The following COL19A1 variants were observed in gnomAD, a reference collection of about 807,000 sequenced individuals.
COL19A1 encodes the protein collagen type XIX alpha 1 chain.
Under a neutral mutation model 190.2 loss-of-function variants are expected in COL19A1, and 159 were observed. The observed-to-expected ratio is 0.84, with a 90% CI of 0.73 to 0.95. COL19A1 has a LOEUF of 0.95. Ranked by LOEUF, COL19A1 falls within the 40% of genes least tolerant of loss-of-function variation. COL19A1 has a pLI of 0.00. For synonymous variants in COL19A1, 509 were observed against 458.9 expected (o/e 1.11, Z -1.39); for missense variants, 1,418 against 1,431.9 (o/e 0.99, Z 0.16).
intron 42 of COL19A1, among the ~76,000 whole-genome samples, chr6:70,179,880 T>G (rs1215672535): frequency 6.6e-6 from 1 of 151,904 alleles, no homozygotes; most frequent in Admixed American, 6.6e-5. Flanking sequence ...GCCACTTTAT[T>G]TATTTATTTA....
chr6:69,979,058 T>A (rs1029841827), intron 11 of COL19A1, among the ~76,000 whole-genome samples: 1 of 151,884 alleles, frequency 6.6e-6, no homozygotes, highest in South Asian at 2.1e-4. Context: ...CACTAATTAC[T>A]GTGGAAGAAA....
chr6:69,868,147 C>T (rs1301855375), intron 1 of COL19A1, among the ~76,000 whole-genome samples: 1 of 151,462 alleles, frequency 6.6e-6, no homozygotes, highest in Non-Finnish European at 1.5e-5. Flanking sequence ...AACACCAATG[C>T]CTCCCCCTCT....
At chr6:69,904,912 C>T (rs1249866501) in intron 4 of COL19A1, among the ~76,000 whole-genome samples, 2 of 152,108 alleles carry the variant, frequency 1.3e-5, no homozygotes, top group African/African-American at 2.4e-5. Context: ...TCACACAGTG[C>T]AGTCAGAAAT....
At chr6:70,111,539 A>G (rs1055661998) in intron 16 of COL19A1, among the ~76,000 whole-genome samples, 5 of 152,196 alleles carry the variant, frequency 3.3e-5, no homozygotes, top group African/African-American at 1.2e-4. Context: ...CATGCTTAGA[A>G]TAGTTCAAAT....
chr6:70,191,205 A>G (rs1176960787), intron 48 of COL19A1, among the ~76,000 whole-genome samples: 1 of 152,158 alleles, frequency 6.6e-6, no homozygotes, highest in Non-Finnish European at 1.5e-5. Flanking sequence ...AAGCATCCAT[A>G]TTATTCTGTT....
intron 1 of COL19A1, among the ~76,000 whole-genome samples, chr6:69,871,585 C>T (rs1767825306): frequency 6.6e-6 from 1 of 152,128 alleles, no homozygotes; most frequent in Admixed American, 6.5e-5. Flanking sequence ...CCTCCTCTTT[C>T]TCTCTTTTTT....
At chr6:70,156,006 G>T in intron 31 of COL19A1, 121 bp from the exon 32 acceptor site, 1 of 713,974 alleles carries the variant, frequency 1.4e-6, no homozygotes, top group South Asian at 2.1e-5. Flanking sequence ...TCTGAAAGCA[G>T]AATGACCTAT....
At chr6:69,976,535 G>C (rs1775722936) in intron 11 of COL19A1, among the ~76,000 whole-genome samples, 1 of 152,170 alleles carries the variant, frequency 6.6e-6, no homozygotes, top group Admixed American at 6.5e-5. Flanking sequence ...GGACCTGTGG[G>C]AAGGAAGAGG....
intron 17 of COL19A1, among the ~76,000 whole-genome samples, chr6:70,123,290 T>C (rs1784992492): frequency 6.6e-6 from 1 of 151,976 alleles, no homozygotes; most frequent in African/African-American, 2.4e-5. Flanking sequence ...ATGGCAATCA[T>C]TAAAAAGTCA....
Position 70,188,235 on chromosome 6 carries a change from C to A in COL19A1, c.3017C>A (p.Pro1006His), listed in dbSNP as rs1420356416. Reference sequence around the variant, plus strand: ...GGCCCTCCAGGCTCTCCAGGCATCCCTGGCATTCCGGTAAGTAGTGCTAAG... The same window carrying A: ...GGCCCTCCAGGCTCTCCAGGCATCCATGGCATTCCGGTAAGTAGTGCTAAG... The part of the protein sequence containing the change: ...HQGPPGSPGI[P>H]GIPADAVSFE... The change falls in exon 47 of 51, where the codon CCT becomes CAT. Residue 1006 changes from proline to histidine, a missense_variant. Pro to His is a moderately conservative substitution (Grantham distance 77, BLOSUM62 -2). Coordinates refer to ENST00000620364, the MANE Select transcript of COL19A1 (RefSeq NM_001858.6). 3 of 1,608,762 alleles carry A rather than the reference C, an allele frequency of 1.9e-6. No homozygotes were observed. The highest frequency in any genetic ancestry group is 2.5e-6 in the Non-Finnish European group (3 of 1,178,374).
At chr6:70,185,380 A>G (rs1384201785) in intron 46 of COL19A1, among the ~76,000 whole-genome samples, 1 of 152,152 alleles carries the variant, frequency 6.6e-6, no homozygotes, top group Non-Finnish European at 1.5e-5. Context: ...GTGACAACCA[A>G]AAGTGTCTCC....
Position 69,938,072 on chromosome 6 carries a change from C to G in COL19A1, c.908C>G (p.Pro303Arg), listed in dbSNP as rs751686094. 3.1e-6 allele frequency: 5 copies of G among 1,612,490 alleles called. No individual in the cohort carries two copies. Residue 303 changes from proline (P) to arginine (R), a missense_variant, in exon 9 of 51, where the codon CCT becomes CGT. Coordinates refer to ENST00000620364, the MANE Select transcript of COL19A1 (RefSeq NM_001858.6). ...EAGLPGAPGS[P>R]GQKGHKGEPG... ...GGATTACCAGGAGCTCCGGGTTCAC[C>G]TGGGCAGAAAGGGCATAAAGGAGAG...
At chr6:69,986,221 T>TTATATATATATATATA (rs57648174) in intron 11 of COL19A1, among the ~76,000 whole-genome samples, 2 of 138,282 alleles carry the variant, frequency 1.4e-5, no homozygotes, top group South Asian at 2.3e-4. Flanking sequence ...CTTACACGTT[T>TTATATATATATATATA]TATATATATA....
At chr6:69,973,762 G>A (rs1202430454) in intron 11 of COL19A1, 1 of 152,114 alleles carries the variant, frequency 6.6e-6, no homozygotes, top group Non-Finnish European at 1.5e-5. Flanking sequence ...TTTTTTGGAA[G>A]TACATTCCAG....
intron 40 of COL19A1, among the ~76,000 whole-genome samples, chr6:70,170,820 A>G (rs1047616501): frequency 6.6e-6 from 1 of 152,188 alleles, no homozygotes; most frequent in Non-Finnish European, 1.5e-5. Context: ...GGGCAATGTT[A>G]TAAATAATAA....
At chr6:70,129,544 A>G (rs2181011) in intron 17 of COL19A1, among the ~76,000 whole-genome samples, 70,910 of 152,040 alleles carry the variant, frequency 0.47, 17,012 homozygotes, top group African/African-American at 0.56. Context: ...TACATTCATT[A>G]GCAGGAATTA....
chr6:70,186,821 CTAATA>C (rs1354539887), intron 46 of COL19A1, among the ~76,000 whole-genome samples: 1 of 152,142 alleles, frequency 6.6e-6, no homozygotes, highest in Non-Finnish European at 1.5e-5. Flanking sequence ...TTAGGCACAT[CTAATA>C]TAATATTTTA....
At chr6:69,899,432 C>T (rs1770012700) in intron 3 of COL19A1, among the ~76,000 whole-genome samples, 1 of 151,984 alleles carries the variant, frequency 6.6e-6, no homozygotes, top group South Asian at 2.1e-4. Context: ...GGATTGCAGG[C>T]GTGAGCCACC....
rs1779632784 is a variant in COL19A1 at position 70,041,528 on chromosome 6, C to T, written c.1170+5589C>T. ...TGTTTAAACCAAACCTTAAACAACC[C>T]TGTGAGGTATAAAATGATTATTACT... On this transcript the variant is annotated intron_variant, in intron 14 of 50. Coordinates refer to ENST00000620364, the MANE Select transcript of COL19A1 (RefSeq NM_001858.6). 2.0e-5 allele frequency among the ~76,000 whole-genome samples: 3 copies of T among 152,054 alleles called. No individual in the cohort carries two copies. The South Asian group carries it at 6.2e-4, about 32-fold the overall frequency.
Sources: gnomAD v4.1 joint callset for allele counts (sites outside exome capture counted in the v4.1 genomes callset) on GRCh38, gnomAD v4.1.1 for gene constraint, MANE v1.5 for transcripts, NCBI Gene and HGNC (gene_info 2026-07-23, HGNC 2026-07-21) for gene names.